Variants in ABCC5 observed in about 807,000 individuals in gnomAD.
ABCC5 encodes ATP binding cassette subfamily C member 5.
ABCC5 carries 61 observed loss-of-function variants against 160.9 expected under a neutral mutation model. The ratio of observed to expected loss-of-function variants is 0.38; its 90% CI spans 0.31 to 0.47. The LOEUF is 0.47. Among genes scored for constraint, ABCC5 ranks in the 20% least tolerant of loss-of-function variants. The pLI is 0.99. For synonymous variants in ABCC5, 666 were observed against 700.6 expected (o/e 0.95, Z 0.78); for missense variants, 1,308 against 1,813.3 (o/e 0.72, Z 5.06).
In ABCC5 at chr3:183,981,752, G is replaced by A. The variant is rs938146433; in HGVS notation, c.1122C>T (p.Val374=). The A allele has an allele frequency of 1.2e-6, 2 of 1,611,034 alleles. No individual in the cohort carries two copies. The highest frequency in any genetic ancestry group is 2.7e-5 in the African/African-American group (2 of 74,780). The change falls in exon 8 of 30, where the codon GTC becomes GTT. Residue 374 remains valine (V), a synonymous_variant. Transcript: ENST00000334444. ...TTTGAACACTCTGAGAAAATGCTTT[G>A]ACCCAGGCATACATTTTGATAAATT... is the stretch of plus-strand genomic sequence containing the variant. ...YIKFIKMYAW[V]KAFSQSVQKI...
At position 183,942,925 on chromosome 3, in the gene ABCC5, A is replaced by G; in HGVS notation, c.3505-9T>C. 1 of 1,606,252 alleles carries G rather than the reference A, an allele frequency of 6.2e-7. No individual in the cohort carries two copies. ...GCTTCCAAGGACAGAGTCTGGGGAGACAAGGGTGGCCAGTTCAGACTGACC... is the reference window on the plus strand; with the variant it reads ...GCTTCCAAGGACAGAGTCTGGGGAGGCAAGGGTGGCCAGTTCAGACTGACC... On this transcript the variant is annotated splice_polypyrimidine_tract_variant and intron_variant, in intron 24 of 29. Coordinates refer to ENST00000334444, the MANE Select transcript of ABCC5 (RefSeq NM_005688.4).
intron 17 of ABCC5, among the ~76,000 whole-genome samples, chr3:183,959,386 CT>C (rs1405931101): frequency 6.6e-6 from 1 of 152,134 alleles, no homozygotes. Context: ...TTGGTTGGGA[CT>C]TTTCATGAGC....
chr3:183,972,716 C>T (rs1432119428), intron 10 of ABCC5, among the ~76,000 whole-genome samples: 1 of 152,162 alleles, frequency 6.6e-6, no homozygotes, highest in Non-Finnish European at 1.5e-5. Context: ...ACGATCTCGA[C>T]TCACTGCAAC....
Position 183,947,315 on chromosome 3 carries a change from G to A in ABCC5, c.3414+9C>T. On this transcript the variant is annotated intron_variant, in intron 23 of 29. Transcript: ENST00000334444. ...AAGCAAAGATGACGCTCCTATCCCAGAGACTGACCTGGACAGCATAAGAGA... is the reference window on the plus strand; with the variant it reads ...AAGCAAAGATGACGCTCCTATCCCAAAGACTGACCTGGACAGCATAAGAGA... The A allele has an allele frequency of 6.3e-7, 1 of 1,580,374 alleles. No individual in the cohort carries two copies. The highest frequency in any genetic ancestry group is 8.6e-7 in the Non-Finnish European group (1 of 1,158,444).
chr3:184,012,339 T>C (rs771910186), intron 2 of ABCC5, among the ~76,000 whole-genome samples: 1 of 152,056 alleles, frequency 6.6e-6, no homozygotes, highest in Non-Finnish European at 1.5e-5. Flanking sequence ...ACCTATAATC[T>C]CTTTACACAT....
Position 183,987,696 on chromosome 3 carries a change from C to T in ABCC5, c.591+74G>A, listed in dbSNP as rs1210173160. 6.2e-7 allele frequency: 1 copy of T among 1,600,692 alleles called. No homozygotes were observed. The highest frequency in any genetic ancestry group is 1.7e-5 in the Admixed American group (1 of 58,800). On this transcript the variant is annotated intron_variant, in intron 5 of 29. Transcript: ENST00000334444. This position sits in a 1 kb window ranked among gnomAD's most constrained non-coding sequence, Gnocchi z 4.2. ...AGCCCAAAGCTGAGCACAACCTCTG[C>T]AACAGAATAAGAGTGTTAGAGCTGG... is the stretch of plus-strand genomic sequence containing the variant.
intron 24 of ABCC5, among the ~76,000 whole-genome samples, chr3:183,943,474 T>C (rs1403172815): frequency 6.6e-6 from 1 of 152,242 alleles, no homozygotes; most frequent in African/African-American, 2.4e-5. Flanking sequence ...TAGTTTCTTA[T>C]CTGCAAATTG....
intron 5 of ABCC5, chr3:183,984,817 G>A (rs754654671): frequency 1.3e-6 from 2 of 1,583,348 alleles, no homozygotes; most frequent in Non-Finnish European, 1.7e-6. Flanking sequence ...CTCACGTGAA[G>A]CAACTCAGTA....
chr3:183,975,279 G>A (rs1410351771), intron 10 of ABCC5, among the ~76,000 whole-genome samples: 1 of 152,080 alleles, frequency 6.6e-6, no homozygotes, highest in East Asian at 1.9e-4. Flanking sequence ...CTAATTAATA[G>A]ACATCTGAAG....
chr3:183,969,157 T>G (rs1717504620), intron 11 of ABCC5, among the ~76,000 whole-genome samples: 1 of 152,110 alleles, frequency 6.6e-6, no homozygotes, highest in Non-Finnish European at 1.5e-5. Context: ...TGGCAAACAT[T>G]ACCTCCCCTT....
rs1445115197 is a variant in ABCC5 at position 183,987,596 on chromosome 3, T to A, written c.591+174A>T. On this transcript the variant is annotated intron_variant, in intron 5 of 29. Coordinates refer to ENST00000334444, the MANE Select transcript of ABCC5 (RefSeq NM_005688.4). This position sits in a 1 kb window ranked among gnomAD's most constrained non-coding sequence, Gnocchi z 4.2. ...ATTTCTTCTCTGGCAACACTGCCCT[T>A]TCATCCTTCCAGCTGTTGCCAAAAT... 3 of 831,160 alleles carry A rather than the reference T, an allele frequency of 3.6e-6. No individual in the cohort carries two copies. The highest frequency in any genetic ancestry group is 5.8e-6 in the Non-Finnish European group (3 of 513,128). The allele number at this position is 831,160 out of a possible 1,614,324, so 51.5% of individuals were successfully genotyped here.
At chr3:184,016,979 C>T (rs1722243562) in intron 1 of ABCC5, among the ~76,000 whole-genome samples, 1 of 152,190 alleles carries the variant, frequency 6.6e-6, no homozygotes, top group African/African-American at 2.4e-5. Flanking sequence ...ACGAGGAAGA[C>T]ACCACGCTAA....
At chr3:183,952,538 G>C (rs1476018162) in intron 18 of ABCC5, among the ~76,000 whole-genome samples, 1 of 152,148 alleles carries the variant, frequency 6.6e-6, no homozygotes, top group Non-Finnish European at 1.5e-5. Context: ...TTGAGGAAGG[G>C]ACCCGGTGGG....
chr3:183,961,775 C>T, intron 15 of ABCC5, 121 bp from the exon 16 acceptor site: 3 of 1,232,398 alleles, frequency 2.4e-6, no homozygotes, highest in Non-Finnish European at 3.4e-6. Context: ...CATTTGGCAG[C>T]ATCTGGAGAC....
chr3:183,938,247 C>T (rs1235238558), intron 25 of ABCC5, among the ~76,000 whole-genome samples, 187 bp from the exon 26 acceptor site: 1 of 152,138 alleles, frequency 6.6e-6, no homozygotes, highest in Non-Finnish European at 1.5e-5. Flanking sequence ...ACCAGGCAGA[C>T]ACCTTCAAAT....
At chr3:184,016,900 G>A (rs1722237083) in intron 1 of ABCC5, among the ~76,000 whole-genome samples, 1 of 152,170 alleles carries the variant, frequency 6.6e-6, no homozygotes, top group Admixed American at 6.5e-5. Context: ...TACCAGACTG[G>A]TGTGTGCAAG....
chr3:183,928,936 C>G (rs1275228425), intron 26 of ABCC5, 111 bp from the exon 27 acceptor site: 1 of 814,050 alleles, frequency 1.2e-6, no homozygotes, highest in African/African-American at 1.7e-5. Context: ...AGACTCCAAA[C>G]CCTGATGGTC....
In ABCC5 at chr3:183,967,744, CCA is replaced by C; in HGVS notation, c.1782_1783del (p.Cys594TrpfsTer56). Reference sequence around the variant, plus strand: ...AGAGGTTTTTCCACTTCCCACACTGCCACAGATTCCAACCAGTTTACCCTGGA... The same window carrying C: ...AGAGGTTTTTCCACTTCCCACACTGCCAGATTCCAACCAGTTTACCCTGGA... On this transcript the variant is annotated frameshift_variant, in exon 12 of 30. Transcript: ENST00000334444. LOFTEE classifies it high-confidence loss of function. 1 of 1,613,888 alleles carries C rather than the reference CCA, an allele frequency of 6.2e-7. No homozygotes were observed. The highest frequency in any genetic ancestry group is 8.5e-7 in the Non-Finnish European group (1 of 1,179,814).
chr3:184,010,712 T>C (rs1447519854), intron 2 of ABCC5: 1 of 152,276 alleles, frequency 6.6e-6, no homozygotes, highest in African/African-American at 2.4e-5. Flanking sequence ...TTTCCTACAC[T>C]ACTTCTTGTC....
Sources: allele counts gnomAD v4.1 joint callset (sites outside exome capture counted in the v4.1 genomes callset), GRCh38; gene constraint gnomAD v4.1.1; non-coding constraint Gnocchi (gnomAD v3.1); transcripts MANE v1.5; gene names NCBI Gene and HGNC (gene_info 2026-07-23, HGNC 2026-07-21).